ASTN2: variants seen among roughly 807,000 people sequenced by gnomAD.
The protein encoded by ASTN2 is astrotactin-2.
In ASTN2, 54 loss-of-function variants were observed where a neutral mutation model predicts 139.8. The observed-to-expected ratio is 0.39, with a 90% CI of 0.31 to 0.48. The LOEUF is 0.48. Ranked by LOEUF, ASTN2 falls within the 20% of genes least tolerant of loss-of-function variation. ASTN2 has a pLI of 0.95. For synonymous variants in ASTN2, 756 were observed against 719.5 expected (o/e 1.05, Z -0.81); for missense variants, 1,565 against 1,725.1 (o/e 0.91, Z 1.64).
At chr9:116,859,808 T>C (rs1832831197) in intron 11 of ASTN2, among the ~76,000 whole-genome samples, 1 of 152,300 alleles carries the variant, frequency 6.6e-6, no homozygotes, top group Non-Finnish European at 1.5e-5. Context: ...GCAAGCATGG[T>C]GAGTGATCCT....
chr9:117,356,982 T>C (rs1483004427), intron 1 of ASTN2, among the ~76,000 whole-genome samples: 1 of 152,056 alleles, frequency 6.6e-6, no homozygotes, highest in Non-Finnish European at 1.5e-5. Flanking sequence ...GAGAATCACT[T>C]GAACCCGGGA....
intron 5 of ASTN2, among the ~76,000 whole-genome samples, chr9:117,056,855 C>T (rs760715127): frequency 5.3e-5 from 8 of 152,160 alleles, no homozygotes; most frequent in Non-Finnish European, 8.8e-5. Flanking sequence ...TGATTAGAGT[C>T]GCACAGGGCT....
intron 4 of ASTN2, among the ~76,000 whole-genome samples, chr9:117,120,663 G>A (rs1222601231): frequency 1.3e-5 from 2 of 152,184 alleles, no homozygotes; most frequent in East Asian, 3.9e-4. Context: ...GCCATACTTG[G>A]TGGCTGGAAG....
intron 16 of ASTN2, among the ~76,000 whole-genome samples, chr9:116,675,527 A>G (rs1156679084): frequency 6.6e-6 from 1 of 152,082 alleles, no homozygotes; most frequent in Non-Finnish European, 1.5e-5. Context: ...GGTTTGGGAG[A>G]CTTCTCATTC....
At chr9:116,748,764 G>A (rs974895283) in intron 13 of ASTN2, among the ~76,000 whole-genome samples, 1 of 152,102 alleles carries the variant, frequency 6.6e-6, no homozygotes, top group Non-Finnish European at 1.5e-5. Context: ...GCCCTGGACA[G>A]GGAGCCAGGA....
chr9:116,464,585 C>T (rs1588083977), intron 20 of ASTN2, among the ~76,000 whole-genome samples: 2 of 152,246 alleles, frequency 1.3e-5, no homozygotes, highest in East Asian at 1.9e-4. Flanking sequence ...TGTGCTGAAG[C>T]ATATCCCTGA....
chr9:117,352,527 CAGGGATTG>C (rs1829420605), intron 1 of ASTN2, among the ~76,000 whole-genome samples: 1 of 152,156 alleles, frequency 6.6e-6, no homozygotes, highest in South Asian at 2.1e-4. Context: ...TTCCAATGCA[CAGGGATTG>C]AGGCACCAAG....
rs144369965 is a variant in ASTN2, at chr9:116,800,779, C to T, written c.2396+4853G>A. ...GAATATTGAGCCAGTTATATTATTT[C>T]CTGAGCTTCCGTTTCTCCATCTGTA... On this transcript the variant is annotated intron_variant, in intron 13 of 22. Coordinates refer to ENST00000313400, the MANE Select transcript of ASTN2 (RefSeq NM_001365068.1). Among the ~76,000 whole-genome samples the T allele has an allele frequency of 4.1e-3, 626 of 152,300 alleles. 3 individuals carry two copies. Among genetic ancestry groups the T allele is most frequent in the Middle Eastern group, 0.017 (5 of 294 alleles).
At chr9:117,127,075 A>G (rs1227803048) in intron 4 of ASTN2, among the ~76,000 whole-genome samples, 1 of 152,200 alleles carries the variant, frequency 6.6e-6, no homozygotes, top group African/African-American at 2.4e-5. Context: ...TTGGACTTGT[A>G]TAGCTCTGCT....
intron 1 of ASTN2, among the ~76,000 whole-genome samples, chr9:117,304,871 C>G (rs1181428883): frequency 6.6e-6 from 1 of 152,138 alleles, no homozygotes; most frequent in African/African-American, 2.4e-5. Context: ...TTACAGGATG[C>G]CAGGCTGAGG....
At chr9:116,679,060 T>C (rs1332965204) in intron 16 of ASTN2, among the ~76,000 whole-genome samples, 2 of 152,198 alleles carry the variant, frequency 1.3e-5, no homozygotes, top group African/African-American at 4.8e-5. Context: ...AGCCTCATGC[T>C]ATCTTTATTG....
intron 11 of ASTN2, among the ~76,000 whole-genome samples, chr9:116,830,257 AGATGCAAATCAAAACCACAGT>A (rs751317951): frequency 1.2e-4 from 19 of 152,244 alleles, no homozygotes; most frequent in Non-Finnish European, 2.4e-4. Flanking sequence ...TTCAGCAGAG[AGATGCAAATCAAAACCACAGT>A]GAGATACCAT....
At chr9:116,854,183 T>C (rs1375722096) in intron 11 of ASTN2, among the ~76,000 whole-genome samples, 1 of 152,164 alleles carries the variant, frequency 6.6e-6, no homozygotes, top group Non-Finnish European at 1.5e-5. Flanking sequence ...CTCAGAAGCC[T>C]TGAATCATAG....
At chr9:116,686,543 G>A (rs1860218824) in intron 16 of ASTN2, among the ~76,000 whole-genome samples, 1 of 152,162 alleles carries the variant, frequency 6.6e-6, no homozygotes, top group Non-Finnish European at 1.5e-5. Context: ...AGGGACTGCA[G>A]GTCGTGGCCA....
At chr9:117,137,566 A>G (rs1299269065) in intron 4 of ASTN2, among the ~76,000 whole-genome samples, 1 of 152,190 alleles carries the variant, frequency 6.6e-6, no homozygotes, top group African/African-American at 2.4e-5. Context: ...GAGAAATAAG[A>G]GTTTGCAGTC....
chr9:117,414,914 TGAG>T lies in ASTN2; in HGVS notation c.22_24del (p.Leu8del). 1.9e-6 allele frequency: 1 copy of T among 524,722 alleles called. No homozygotes were observed. The highest frequency in any genetic ancestry group is 2.6e-6 in the Non-Finnish European group (1 of 387,928). The allele number at this position is 524,722 out of a possible 1,614,324, so 32.5% of individuals were successfully genotyped here. ...CGGAGCCCCGAGCCGGGGCCGGGGC[TGAG>T]CCGGGCGCCGGCGGCGGCCATGGCG... On this transcript the variant is annotated inframe_deletion, in exon 1 of 23. Coordinates refer to ENST00000313400, the MANE Select transcript of ASTN2 (RefSeq NM_001365068.1). The surrounding 1 kb of genome is among the most constrained non-coding windows in gnomAD (Gnocchi z 4.2).
At chr9:116,998,585 A>C (rs951504828) in intron 7 of ASTN2, among the ~76,000 whole-genome samples, 7 of 108,782 alleles carry the variant, frequency 6.4e-5, no homozygotes, top group Non-Finnish European at 1.3e-4. Context: ...ATCCATCCAT[A>C]CATCCATGCA....
chr9:116,747,370 A>T (rs1211534674), intron 13 of ASTN2, among the ~76,000 whole-genome samples: 1 of 152,206 alleles, frequency 6.6e-6, no homozygotes, highest in Non-Finnish European at 1.5e-5. Flanking sequence ...GAAATCCTGA[A>T]AAGTAAAGGT....
At chr9:116,710,744 A>G (rs1016697938) in intron 16 of ASTN2, among the ~76,000 whole-genome samples, 5 of 147,724 alleles carry the variant, frequency 3.4e-5, no homozygotes, top group African/African-American at 1.3e-4. Context: ...AAAAAAAAAA[A>G]AAAAAAAAAA....
Sources: gnomAD v4.1 joint callset for allele counts (sites outside exome capture counted in the v4.1 genomes callset) on GRCh38, gnomAD v4.1.1 for gene constraint, Gnocchi (gnomAD v3.1) non-coding constraint, MANE v1.5 for transcripts, NCBI Gene and HGNC (gene_info 2026-07-23, HGNC 2026-07-21) for gene names.